WWOX: variants seen among roughly 807,000 people sequenced by gnomAD.
The protein encoded by WWOX is WW domain-containing oxidoreductase.
A neutral mutation model predicts 46.2 loss-of-function variants in WWOX; 69 were observed. The observed-to-expected ratio is 1.49, with a 90% CI of 1.23 to 1.82. The LOEUF (loss-of-function observed/expected upper bound fraction) is 1.82, where lower values mean the gene tolerates loss of function less well. WWOX is among the 40% of genes most tolerant of loss of function. The pLI is 0.00. For missense variants in WWOX, 919 were observed against 542.6 expected (o/e 1.69, Z -6.89); for synonymous variants, 359 against 202.6 (o/e 1.77, Z -6.56).
chr16:78,431,360 A>C (rs1422618310), intron 7 of WWOX, among the ~76,000 whole-genome samples: 1 of 152,226 alleles, frequency 6.6e-6, no homozygotes, highest in East Asian at 1.9e-4. Flanking sequence ...ACCCCTTTAT[A>C]ATCATTAATT....
chr16:78,454,294 T>C (rs1028930414), intron 8 of WWOX, among the ~76,000 whole-genome samples: 1 of 152,148 alleles, frequency 6.6e-6, no homozygotes. Context: ...TCTCTCAAAC[T>C]TTTTTGGACC....
chr16:79,209,117 A>G (rs1267866585), intron 8 of WWOX, among the ~76,000 whole-genome samples: 1 of 152,234 alleles, frequency 6.6e-6, no homozygotes, highest in African/African-American at 2.4e-5. Flanking sequence ...TGGCAAAGGA[A>G]TCAAAGCCAT....
chr16:78,580,628 T>C (rs2045027351), intron 8 of WWOX, among the ~76,000 whole-genome samples: 1 of 152,230 alleles, frequency 6.6e-6, no homozygotes, highest in Non-Finnish European at 1.5e-5. Context: ...ACAACTCTGG[T>C]ATTAGTAAAT....
At chr16:78,985,171 A>G (rs988317640) in intron 8 of WWOX, among the ~76,000 whole-genome samples, 2 of 152,198 alleles carry the variant, frequency 1.3e-5, no homozygotes, top group South Asian at 2.1e-4. Flanking sequence ...CTGCCATGAC[A>G]TCGGCATGCG....
chr16:79,210,984 G>A (rs1400104422), intron 8 of WWOX, among the ~76,000 whole-genome samples: 1 of 151,466 alleles, frequency 6.6e-6, no homozygotes, highest in Non-Finnish European at 1.5e-5. Flanking sequence ...ATGGGATCTG[G>A]ATGAATTAAT....
intron 8 of WWOX, among the ~76,000 whole-genome samples, chr16:78,695,224 T>C (rs2048073434): frequency 6.6e-6 from 1 of 152,144 alleles, no homozygotes. Flanking sequence ...TTTGTTATTA[T>C]TCTATTATTA....
At chr16:78,564,565 CA>C (rs2044518995) in intron 8 of WWOX, among the ~76,000 whole-genome samples, 1 of 152,178 alleles carries the variant, frequency 6.6e-6, no homozygotes. Flanking sequence ...AGACCTTTCT[CA>C]GAGGTCTCAT....
At chr16:78,594,104 TCTCAA>T (rs2045418345) in intron 8 of WWOX, among the ~76,000 whole-genome samples, 1 of 152,062 alleles carries the variant, frequency 6.6e-6, no homozygotes, top group Non-Finnish European at 1.5e-5. Flanking sequence ...TAAAGTCACT[TCTCAA>T]CTCCTTCTCA....
At chr16:78,680,135 C>T (rs1020974779) in intron 8 of WWOX, among the ~76,000 whole-genome samples, 15 of 152,212 alleles carry the variant, frequency 9.9e-5, no homozygotes, top group South Asian at 2.1e-4. Context: ...CTAGGCTGGG[C>T]GTGGCGGCTC....
rs996292362 is a variant in WWOX at position 78,171,873 on chromosome 16, C to T, written c.516+7584C>T. On this transcript the variant is annotated intron_variant, in intron 5 of 8. Transcript: ENST00000566780. Reference sequence around the variant, plus strand: ...AAAGTTCTGAAGTTCTTCTTTGGGGCGTTTGCAAAATGTCCTATTATTGTC... The same window carrying T: ...AAAGTTCTGAAGTTCTTCTTTGGGGTGTTTGCAAAATGTCCTATTATTGTC... Among the ~76,000 whole-genome samples the T allele has an allele frequency of 2.0e-5, 3 of 152,156 alleles. No individual in the cohort carries two copies. In the East Asian group the frequency reaches 5.8e-4, roughly 29 times the overall value.
intron 8 of WWOX, among the ~76,000 whole-genome samples, chr16:78,982,446 C>A (rs1042670303): frequency 6.6e-6 from 1 of 152,228 alleles, no homozygotes; most frequent in Admixed American, 6.5e-5. Flanking sequence ...ATGTCGACTG[C>A]ATTCAGGCCC....
intron 8 of WWOX, among the ~76,000 whole-genome samples, chr16:78,767,090 C>G (rs367902627): frequency 8.7e-4 from 112 of 128,258 alleles, no homozygotes; most frequent in Middle Eastern, 3.7e-3. Context: ...CCTTCTCTCT[C>G]TCCTTTCCTC....
chr16:79,004,707 G>A (rs918570627), intron 8 of WWOX: 1 of 152,168 alleles, frequency 6.6e-6, no homozygotes, highest in Non-Finnish European at 1.5e-5. Flanking sequence ...TTCACGGGAA[G>A]GTATTAAATG....
intron 8 of WWOX, among the ~76,000 whole-genome samples, chr16:79,028,496 C>G (rs1211240977): frequency 1.3e-5 from 2 of 151,728 alleles, no homozygotes; most frequent in Non-Finnish European, 2.9e-5. Flanking sequence ...GGCTGCAAAT[C>G]TATCATTTTT....
intron 8 of WWOX, among the ~76,000 whole-genome samples, chr16:78,759,200 G>A (rs1424661771): frequency 6.6e-6 from 1 of 152,126 alleles, no homozygotes; most frequent in African/African-American, 2.4e-5. Context: ...ACGGAGAAGT[G>A]TTAGAACAGG....
rs78971904 is a variant in WWOX at position 78,624,582 on chromosome 16, C to T, written c.1056+191830C>T. ...ATAAACAGACTAATCTAATAGCATA[C>T]TGAACCCATCTAACTTGGCAGAAAT... On this transcript the variant is annotated intron_variant, in intron 8 of 8. Transcript: ENST00000566780. Among the ~76,000 whole-genome samples, 1,156 of 152,294 alleles carry T rather than the reference C, an allele frequency of 7.6e-3. 20 individuals are homozygous for T. The highest frequency in any genetic ancestry group is 0.027 in the African/African-American group (1,111 of 41,542).
chr16:78,108,273 C>T (rs1314533789), intron 1 of WWOX, 150 bp from the exon 2 acceptor site: 15 of 757,594 alleles, frequency 2.0e-5, no homozygotes, highest in African/African-American at 3.6e-5. Flanking sequence ...AAGTTGACCC[C>T]GTAGCTGGGG....
At chr16:78,555,659 A>C (rs1195378372) in intron 8 of WWOX, among the ~76,000 whole-genome samples, 1 of 146,436 alleles carries the variant, frequency 6.8e-6, no homozygotes, top group Non-Finnish European at 1.5e-5. Context: ...TAGTCCTCTT[A>C]TGAGCAAGGC....
intron 8 of WWOX, among the ~76,000 whole-genome samples, chr16:79,197,232 T>A (rs375499722): frequency 6.6e-6 from 1 of 152,210 alleles, no homozygotes; most frequent in Non-Finnish European, 1.5e-5. Flanking sequence ...CCAATGGCTT[T>A]ATGACCTTGA....
Sources: allele counts gnomAD v4.1 joint callset (sites outside exome capture counted in the v4.1 genomes callset), GRCh38; gene constraint gnomAD v4.1.1; transcripts MANE v1.5; gene names NCBI Gene and HGNC (gene_info 2026-07-23, HGNC 2026-07-21).